The following MICALL2 variants were observed in gnomAD, a reference collection of about 807,000 sequenced individuals.
MICALL2 encodes the protein MICAL-like protein 2.
In MICALL2, 111 loss-of-function variants were observed where a neutral mutation model predicts 91.1. The ratio of observed to expected loss-of-function variants is 1.22; its 90% CI spans 1.04 to 1.43. MICALL2 has a LOEUF of 1.43. Among genes scored for constraint, MICALL2 ranks in the 40% most tolerant of loss-of-function variants. The pLI, the probability that MICALL2 is intolerant of heterozygous loss-of-function variation, is 0.00. For synonymous variants in MICALL2, 694 were observed against 525.3 expected, an observed-to-expected ratio of 1.32 and a Z score of -4.39; for missense variants, 1,556 against 1,236.0, an observed-to-expected ratio of 1.26 and a Z score of -3.88.
intron 7 of MICALL2, 32 bp downstream of exon 7, chr7:1,442,160 C>CG (rs769637575): frequency 1.9e-6 from 3 of 1,606,726 alleles, no homozygotes; most frequent in Admixed American, 3.4e-5. Context: ...TGCGGGCCCC[C>CG]GGGGCCTCCT....
intron 4 of MICALL2, among the ~76,000 whole-genome samples, chr7:1,447,126 T>C (rs1780634571): frequency 6.6e-6 from 1 of 152,054 alleles, no homozygotes; most frequent in Admixed American, 6.5e-5. Flanking sequence ...TCCCATCCAA[T>C]TCCCACCATC....
At position 1,459,437 on chromosome 7, in the gene MICALL2, G is replaced by A. The variant is rs763413286; in HGVS notation, c.-111C>T. 11 of 1,057,626 alleles carry A rather than the reference G, an allele frequency of 1.0e-5. No homozygotes were observed. Among genetic ancestry groups the A allele is most frequent in the Middle Eastern group, 3.3e-4 (1 of 3,026 alleles). The allele number at this position is 1,057,626 out of a possible 1,614,324, so 65.5% of individuals were successfully genotyped here. The stretch of plus-strand genomic sequence containing the variant: ...CGCTGGGACCGCTACGGAACCGCCA[G>A]ACCCACGGCGCCCAGCCCCAGCTGA... On this transcript the variant is annotated 5_prime_UTR_variant, in exon 1 of 17. Coordinates refer to ENST00000297508, the MANE Select transcript of MICALL2 (RefSeq NM_182924.4).
intron 15 of MICALL2, 118 bp from the exon 16 acceptor site, chr7:1,435,265 A>G: frequency 2.1e-6 from 2 of 970,904 alleles, no homozygotes; most frequent in Non-Finnish European, 3.2e-6. Flanking sequence ...GACCCATGCC[A>G]CCTGCCCCTT....
rs112881017 is a variant in MICALL2, at chr7:1,437,277, A to G, written c.2476+258T>C. 1,298 of 523,408 alleles carry G rather than the reference A, an allele frequency of 2.5e-3. 6 individuals are homozygous for G. The highest frequency in any genetic ancestry group is 0.022 in the African/African-American group (1,101 of 49,044). The allele number at this position is 523,408 out of a possible 1,614,324, so 32.4% of individuals were successfully genotyped here. ...GCGAATTGATTCGTTTAATCCTCAC[A>G]ACAGCTGCGTGAGGTGGGTGCTACA... On this transcript the variant is annotated intron_variant, in intron 14 of 16. Transcript: ENST00000297508.
intron 10 of MICALL2, 178 bp downstream of exon 10, chr7:1,438,662 G>C (rs1562448516): frequency 2.1e-6 from 3 of 1,432,464 alleles, no homozygotes; most frequent in South Asian, 1.5e-5. Context: ...CTCTGAAACA[G>C]CTAGGGTCTC....
chr7:1,442,272 CCT>C lies in MICALL2; in HGVS notation c.1629_1630del (p.Val545ArgfsTer19), dbSNP rs762393001. 2.6e-5 allele frequency: 42 copies of C among 1,612,974 alleles called. No individual in the cohort carries two copies. In the African/African-American group the frequency reaches 4.4e-4, roughly 17 times the overall value. ...GGAGCCAGCACCCACCCTGCCGACC[CCT>C]GAGGATTCCGCCAAGTTCCTCCTGC... On this transcript the variant is annotated frameshift_variant, in exon 7 of 17. Transcript: ENST00000297508. LOFTEE classifies it high-confidence loss of function.
In MICALL2 at chr7:1,444,846, CG is replaced by C. The variant is rs757265830; in HGVS notation, c.1223del (p.Pro408ArgfsTer89). On this transcript the variant is annotated frameshift_variant, in exon 6 of 17. Coordinates refer to ENST00000297508, the MANE Select transcript of MICALL2 (RefSeq NM_182924.4). LOFTEE classifies it high-confidence loss of function. ...AATVDPPAWT[P>X]SASRTQQARN... is the part of the protein sequence containing the mutation. ...GGGCCTGCTGGGTCCTGGAGGCGGA[CG>C]GGGTCCAGGCTGGGGGGTCCACCGT... 30 of 1,606,238 alleles carry C rather than the reference CG, an allele frequency of 1.9e-5. No individual in the cohort carries two copies. Among genetic ancestry groups the C allele is most frequent in the Non-Finnish European group, 2.4e-5 (28 of 1,177,918 alleles).
At chr7:1,446,542 G>A (rs1188784563) in intron 5 of MICALL2, 171 bp downstream of exon 5, 3 of 562,750 alleles carry the variant, frequency 5.3e-6, no homozygotes, top group African/African-American at 2.3e-5. Context: ...GGAGAGGGGA[G>A]GAGGCGGGAG....
intron 1 of MICALL2, among the ~76,000 whole-genome samples, chr7:1,458,900 G>A (rs1334387383): frequency 6.6e-6 from 1 of 152,230 alleles, no homozygotes; most frequent in Non-Finnish European, 1.5e-5. Context: ...CTTTCCCAGG[G>A]ACACAGAGGG....
chr7:1,457,053 G>T (rs6963362), intron 1 of MICALL2, among the ~76,000 whole-genome samples: 1 of 152,100 alleles, frequency 6.6e-6, no homozygotes, highest in African/African-American at 2.4e-5. Context: ...GGAGGTTCTC[G>T]GGGAGGGTCC....
At position 1,451,687 on chromosome 7, in the gene MICALL2, C is replaced by T. The variant is rs533183672; in HGVS notation, c.144-1399G>A. 6.6e-6 allele frequency among the ~76,000 whole-genome samples: 1 copy of T among 152,354 alleles called. No homozygotes were observed. The highest frequency in any genetic ancestry group is 1.9e-4 in the East Asian group (1 of 5,184). Reference sequence around the variant, plus strand: ...GGCCTGCATGTCTGACCCCGGCCAGCCTCGGTCTCAGGGCCTCAGTCTCCC... The same window carrying T: ...GGCCTGCATGTCTGACCCCGGCCAGTCTCGGTCTCAGGGCCTCAGTCTCCC... On this transcript the variant is annotated intron_variant, in intron 1 of 16. Coordinates refer to ENST00000297508, the MANE Select transcript of MICALL2 (RefSeq NM_182924.4). This position sits in a 1 kb window ranked among gnomAD's most constrained non-coding sequence, Gnocchi z 4.5.
rs1413291407 is a variant in MICALL2, at chr7:1,437,574, C to G, written c.2437G>C (p.Asp813His). 1 of 1,536,574 alleles carries G rather than the reference C, an allele frequency of 6.5e-7. No homozygotes were observed. Among genetic ancestry groups the G allele is most frequent in the African/African-American group, 1.4e-5 (1 of 72,734 alleles). Residue 813 changes from aspartate (D) to histidine (H), a missense_variant, in exon 14 of 17, where the codon GAC becomes CAC. Physicochemically the swap from Asp to His is moderately conservative, Grantham distance 81. Coordinates refer to ENST00000297508, the MANE Select transcript of MICALL2 (RefSeq NM_182924.4). ...KAQRLEEQQL[D>H]IEGELRRLMA... ...AGCCGGCGCAGCTCGCCCTCGATGTCCAGCTGCTGCTCCTCCAGACGCTGG... is the reference window on the plus strand; with the variant it reads ...AGCCGGCGCAGCTCGCCCTCGATGTGCAGCTGCTGCTCCTCCAGACGCTGG...
rs550517001 is a variant in MICALL2, at chr7:1,457,204, A to G, written c.143+1980T>C. On this transcript the variant is annotated intron_variant, in intron 1 of 16. Transcript: ENST00000297508. ...CTCCTACCATATCTACTGAACCCCA[A>G]CTGAAAGGCCCTTATCTGCAGAACT... Among the ~76,000 whole-genome samples, 11 of 152,040 alleles carry G rather than the reference A, an allele frequency of 7.2e-5. 1 individual carries two copies. The highest frequency in any genetic ancestry group is 2.0e-4 in the Admixed American group (3 of 15,276).
intron 7 of MICALL2, 121 bp downstream of exon 7, chr7:1,442,071 G>A (rs1780307106): frequency 2.6e-6 from 3 of 1,139,686 alleles, no homozygotes; most frequent in African/African-American, 3.1e-5. Flanking sequence ...GGACAGAGAT[G>A]AGACGGAGAG....
intron 13 of MICALL2, 86 bp downstream of exon 13, chr7:1,437,804 A>G: frequency 7.4e-7 from 1 of 1,344,692 alleles, no homozygotes; most frequent in African/African-American, 1.5e-5. Flanking sequence ...CTGAGGCCTG[A>G]CTCTGCGCTC....
chr7:1,438,930 T>A lies in MICALL2; in HGVS notation c.2032A>T (p.Asn678Tyr). Residue 678 changes from asparagine to tyrosine, a missense_variant, in exon 10 of 17, where the codon AAC becomes TAC. By Grantham distance (143) the Asn-to-Tyr change is moderately radical. Coordinates refer to ENST00000297508, the MANE Select transcript of MICALL2 (RefSeq NM_182924.4). ...CCAGGGGGCTCCGGCCGAAGCCAGTTGTCACAAACGTCGAGGCTGGCAGGG... is the reference window on the plus strand; with the variant it reads ...CCAGGGGGCTCCGGCCGAAGCCAGTAGTCACAAACGTCGAGGCTGGCAGGG... ...AVPASLDVCD[N>Y]WLRPEPPGQE... The A allele has an allele frequency of 4.4e-6, 7 of 1,607,664 alleles. No homozygotes were observed. In the South Asian group the frequency reaches 5.5e-5, roughly 13 times the overall value.
intron 10 of MICALL2, chr7:1,438,585 G>C (rs1360835332): frequency 8.4e-6 from 12 of 1,421,666 alleles, no homozygotes; most frequent in Non-Finnish European, 1.1e-5. Flanking sequence ...CAACACCCCA[G>C]CCACCCCAGT....
Position 1,459,212 on chromosome 7 carries a change from T to C in MICALL2, c.115A>G (p.Ile39Val). 6.2e-7 allele frequency: 1 copy of C among 1,610,598 alleles called. No individual in the cohort carries two copies. Among genetic ancestry groups the C allele is most frequent in the East Asian group, 2.2e-5 (1 of 44,664 alleles). The change falls in exon 1 of 17, where the codon ATC (isoleucine) becomes GTC (valine). Residue 39 changes from isoleucine to valine, a missense_variant. Physicochemically the swap from Ile to Val is conservative, Grantham distance 29 (BLOSUM62 3). Coordinates refer to ENST00000297508, the MANE Select transcript of MICALL2 (RefSeq NM_182924.4). ...AGGTCGGGCCGGTGGCGGTGCAGGATGGCGCAGAAAGCCAGGCCGTCGCGG... is the reference window on the plus strand; with the variant it reads ...AGGTCGGGCCGGTGGCGGTGCAGGACGGCGCAGAAAGCCAGGCCGTCGCGG... ...SFRDGLAFCA[I>V]LHRHRPDLIN...
Position 1,452,052 on chromosome 7 carries a change from G to A in MICALL2, c.144-1764C>T, listed in dbSNP as rs1008215378. 8.5e-5 allele frequency among the ~76,000 whole-genome samples: 13 copies of A among 152,276 alleles called. No homozygotes were observed. Among genetic ancestry groups the A allele is most frequent in the African/African-American group, 3.1e-4 (13 of 41,566 alleles). ...GAAGCCCCCGCCCCGTCCGCCTGCA[G>A]CCCTGCCGTCCATCAATCTGCTGGG... is the stretch of plus-strand genomic sequence containing the variant. On this transcript the variant is annotated intron_variant, in intron 1 of 16. Coordinates refer to ENST00000297508, the MANE Select transcript of MICALL2 (RefSeq NM_182924.4). This position sits in a 1 kb window ranked among gnomAD's most constrained non-coding sequence, Gnocchi z 6.2.
Sources: allele counts gnomAD v4.1 joint callset (sites outside exome capture counted in the v4.1 genomes callset), GRCh38; gene constraint gnomAD v4.1.1; non-coding constraint Gnocchi (gnomAD v3.1); transcripts MANE v1.5; gene names NCBI Gene and HGNC (gene_info 2026-07-23, HGNC 2026-07-21).